Variants in YPEL1 observed in about 807,000 individuals in gnomAD.
YPEL1 encodes the protein yippee like 1.
YPEL1 carries 7 observed loss-of-function variants against 17.3 expected under a neutral mutation model. That is an observed-to-expected ratio of 0.40 (90% CI 0.23 to 0.76). The LOEUF (loss-of-function observed/expected upper bound fraction) is 0.76, where lower values mean the gene tolerates loss of function less well. Among genes scored for constraint, YPEL1 ranks in the 30% least tolerant of loss-of-function variants. The pLI, the probability that YPEL1 is intolerant of heterozygous loss-of-function variation, is 0.35. For missense variants in YPEL1, 91 were observed against 155.5 expected, an observed-to-expected ratio of 0.59 and a Z score of 2.21; for synonymous variants, 59 against 59.6, an observed-to-expected ratio of 0.99 and a Z score of 0.05.
At chr22:21,727,889 C>T (rs1005305554) in intron 1 of YPEL1, among the ~76,000 whole-genome samples, 4 of 152,202 alleles carry the variant, frequency 2.6e-5, no homozygotes, top group African/African-American at 4.8e-5. Context: ...ATTACTTCCC[C>T]GGGGAGCCCT....
chr22:21,710,534 G>A, intron 2 of YPEL1, 94 bp downstream of exon 2: 1 of 1,088,872 alleles, frequency 9.2e-7, no homozygotes, highest in Non-Finnish European at 1.4e-6. Context: ...GCAGACTCAG[G>A]AAGTCATGTG....
intron 1 of YPEL1, among the ~76,000 whole-genome samples, chr22:21,726,807 T>C (rs2068340277): frequency 6.6e-6 from 1 of 152,144 alleles, no homozygotes; most frequent in Non-Finnish European, 1.5e-5. Flanking sequence ...GGCAGACAGA[T>C]GCAGCGACAA....
intron 1 of YPEL1, among the ~76,000 whole-genome samples, chr22:21,718,847 T>C (rs2068253165): frequency 2.0e-5 from 3 of 152,164 alleles, no homozygotes; most frequent in African/African-American, 4.8e-5. Context: ...AATATTATGT[T>C]AAAGAATTTC....
At position 21,703,569 on chromosome 22, in the gene YPEL1, G is replaced by C; in HGVS notation, c.162-91C>G. ...AGCGGGCCCCACCCCATCCTCCTAAGAGTTCCCCCAAAACAGGGAAACTCC... is the reference window on the plus strand; with the variant it reads ...AGCGGGCCCCACCCCATCCTCCTAACAGTTCCCCCAAAACAGGGAAACTCC... On this transcript the variant is annotated intron_variant, in intron 3 of 4. Transcript: ENST00000339468. This position sits in a 1 kb window ranked among gnomAD's most constrained non-coding sequence, Gnocchi z 6.1. 2.5e-6 allele frequency: 3 copies of C among 1,217,328 alleles called. No homozygotes were observed. The highest frequency in any genetic ancestry group is 3.5e-6 in the Non-Finnish European group (3 of 847,196). The allele number at this position is 1,217,328 out of a possible 1,614,324, so 75.4% of individuals were successfully genotyped here.
In YPEL1 at chr22:21,710,706, A is replaced by G; in HGVS notation, c.39T>C (p.Tyr13=). Residue 13 remains tyrosine (Y), a synonymous_variant, in exon 2 of 5, where the codon TAT becomes TAC. Transcript: ENST00000339468. ...TGTACGTTCGGTGACAGTTCGGCAG[A>G]TACGCTTGGAAAGTTTTGGACTTTG... is the stretch of plus-strand genomic sequence containing the variant. ...KMTKSKTFQA[Y]LPNCHRTYSC... is the part of the protein sequence containing the mutation. 1 of 1,614,220 alleles carries G rather than the reference A, an allele frequency of 6.2e-7. No homozygotes were observed. Among genetic ancestry groups the G allele is most frequent in the Non-Finnish European group, 8.5e-7 (1 of 1,180,042 alleles).
At chr22:21,733,676 A>C (rs2068410181) in intron 1 of YPEL1, among the ~76,000 whole-genome samples, 1 of 151,744 alleles carries the variant, frequency 6.6e-6, no homozygotes, top group Non-Finnish European at 1.5e-5. Context: ...GAGTGGAGAC[A>C]GTGCCATTAT....
intron 1 of YPEL1, among the ~76,000 whole-genome samples, chr22:21,716,071 A>C (rs2068220910): frequency 6.6e-6 from 1 of 151,612 alleles, no homozygotes; most frequent in African/African-American, 2.4e-5. Flanking sequence ...CCTACACCTG[A>C]CTAATTTTTG....
At chr22:21,714,133 ACC>A (rs540613884) in intron 1 of YPEL1, among the ~76,000 whole-genome samples, 3 of 139,166 alleles carry the variant, frequency 2.2e-5, no homozygotes, top group Non-Finnish European at 4.6e-5. Flanking sequence ...TCTGCCCCCC[ACC>A]TGCGCAGGCA....
chr22:21,727,761 G>A (rs915007705), intron 1 of YPEL1, among the ~76,000 whole-genome samples: 7 of 152,174 alleles, frequency 4.6e-5, no homozygotes, highest in South Asian at 2.1e-4. Flanking sequence ...CCACTGGGTC[G>A]TCGCCCCATC....
At chr22:21,707,094 G>A (rs1264948272) in intron 2 of YPEL1, among the ~76,000 whole-genome samples, 2 of 152,072 alleles carry the variant, frequency 1.3e-5, no homozygotes. Context: ...TTATTTTAAT[G>A]TGATTATGTG....
chr22:21,712,725 CAA>C (rs33967845), intron 1 of YPEL1, among the ~76,000 whole-genome samples: 6 of 89,600 alleles, frequency 6.7e-5, no homozygotes, highest in Admixed American at 1.3e-4. Flanking sequence ...GACTACATCT[CAA>C]AAAAAAAAAA....
intron 1 of YPEL1, among the ~76,000 whole-genome samples, chr22:21,713,593 C>A (rs747326777): frequency 6.6e-6 from 1 of 152,096 alleles, no homozygotes; most frequent in African/African-American, 2.4e-5. Context: ...GGGGAGTCCC[C>A]GCTTCATGGG....
chr22:21,698,010 G>A lies in YPEL1; in HGVS notation c.*3119C>T, dbSNP rs1431569797. On this transcript the variant is annotated 3_prime_UTR_variant, in exon 5 of 5. Transcript: ENST00000339468. Reference sequence around the variant, plus strand: ...AACAATGCCAAACCACATTCCTACAGCAAATGCACTGTGCCATTTATAACC... The same window carrying A: ...AACAATGCCAAACCACATTCCTACAACAAATGCACTGTGCCATTTATAACC... 6 of 152,340 alleles carry A rather than the reference G, an allele frequency of 3.9e-5. No homozygotes were observed. In the East Asian group the frequency reaches 9.4e-4, roughly 24 times the overall value. The allele number at this position is 152,340 out of a possible 1,614,324, so 9.4% of individuals were successfully genotyped here.
rs763122239 is a variant in YPEL1 at position 21,698,426 on chromosome 22, C to T, written c.*2703G>A. On this transcript the variant is annotated 3_prime_UTR_variant, in exon 5 of 5. Transcript: ENST00000339468. ...AGAACTTTAGTATATACAAAAACCA[C>T]TCGGTAGAGTTTTAGAAGTTTCTTC... is the stretch of plus-strand genomic sequence containing the variant. The T allele has an allele frequency of 3.9e-5, 6 of 152,338 alleles. No individual in the cohort carries two copies. The highest frequency in any genetic ancestry group is 5.9e-5 in the Non-Finnish European group (4 of 68,046). 9.4% of individuals were successfully genotyped at this position (152,338 alleles called of 1,614,324 possible). A position where few individuals can be genotyped will look rare whatever the true frequency, so the allele number is the denominator to read the frequency against.
chr22:21,732,954 A>AT (rs916433451), intron 1 of YPEL1, among the ~76,000 whole-genome samples: 14 of 150,252 alleles, frequency 9.3e-5, no homozygotes, highest in African/African-American at 2.0e-4. Context: ...ACCAAAAAAA[A>AT]TTTTTTTTTT....
chr22:21,720,824 T>C (rs1429211426), intron 1 of YPEL1, among the ~76,000 whole-genome samples: 1 of 150,074 alleles, frequency 6.7e-6, no homozygotes, highest in South Asian at 2.1e-4. Context: ...TTTTTTTTTT[T>C]TTTTTTGAGA....
intron 1 of YPEL1, among the ~76,000 whole-genome samples, chr22:21,713,406 T>C (rs2148603957): frequency 1.3e-5 from 2 of 152,286 alleles, no homozygotes; most frequent in South Asian, 4.1e-4. Context: ...AAATGTGGCG[T>C]CTGCATACAG....
chr22:21,727,765 C>T (rs947868902), intron 1 of YPEL1, among the ~76,000 whole-genome samples: 1 of 152,188 alleles, frequency 6.6e-6, no homozygotes, highest in African/African-American at 2.4e-5. Flanking sequence ...TGGGTCGTCG[C>T]CCCATCCCTG....
At chr22:21,722,618 G>A (rs1286460131) in intron 1 of YPEL1, among the ~76,000 whole-genome samples, 13 of 147,510 alleles carry the variant, frequency 8.8e-5, no homozygotes, top group African/African-American at 2.9e-4. Context: ...CTCTGTCTCG[G>A]GGGCAAAAAA....
Sources: allele counts gnomAD v4.1 joint callset (sites outside exome capture counted in the v4.1 genomes callset), GRCh38; gene constraint gnomAD v4.1.1; non-coding constraint Gnocchi (gnomAD v3.1); transcripts MANE v1.5; gene names NCBI Gene and HGNC (gene_info 2026-07-23, HGNC 2026-07-21).